The following PCDHGC3 variants were observed in gnomAD, a reference collection of about 807,000 sequenced individuals.
PCDHGC3 encodes the protein protocadherin gamma-C3.
Under a neutral mutation model 59.2 loss-of-function variants are expected in PCDHGC3, and 26 were observed. The observed-to-expected ratio is 0.44, with a 90% CI of 0.32 to 0.61. The LOEUF is 0.61. Among genes scored for constraint, PCDHGC3 ranks in the 20% least tolerant of loss-of-function variants. PCDHGC3 has a pLI of 0.05. For synonymous variants in PCDHGC3, 487 were observed against 519.7 expected (o/e 0.94, Z 0.86); for missense variants, 1,080 against 1,221.8 (o/e 0.88, Z 1.73).
Position 141,489,090 on chromosome 5 carries a change from C to CCAA in PCDHGC3, c.2431-5717_2431-5716insCAA, listed in dbSNP as rs2099682444. 1 of 328,824 alleles carries CCAA rather than the reference C, an allele frequency of 3.0e-6. No individual in the cohort carries two copies. Among genetic ancestry groups the CCAA allele is most frequent in the Admixed American group, 6.1e-5 (1 of 16,500 alleles). The allele number at this position is 328,824 out of a possible 1,614,324, so 20.4% of individuals were successfully genotyped here. ...CCTGCCCACCCCCGCCACTCGGTGA[C>CCAA]TAAGAACTGCTGCAAGCAGGCAAAC... On this transcript the variant is annotated intron_variant, in intron 1 of 3. Transcript: ENST00000308177. This position sits in a 1 kb window ranked among gnomAD's most constrained non-coding sequence, Gnocchi z 4.5.
rs566049956 is a variant in PCDHGC3 at position 141,511,685 on chromosome 5, G to A, written c.*512G>A. 1.0e-5 allele frequency: 2 copies of A among 198,374 alleles called. No individual in the cohort carries two copies. Among genetic ancestry groups the A allele is most frequent in the Non-Finnish European group, 2.1e-5 (2 of 94,428 alleles). The allele number at this position is 198,374 out of a possible 1,614,324, so 12.3% of individuals were successfully genotyped here. On this transcript the variant is annotated 3_prime_UTR_variant, in exon 4 of 4. Coordinates refer to ENST00000308177, the MANE Select transcript of PCDHGC3 (RefSeq NM_002588.4). ...GATTCTCAATCTTCCCCCAAAGCAT[G>A]GTTTGGTGCCAGCCCCTTCACCTCC...
In PCDHGC3 at chr5:141,485,079, A is replaced by C; in HGVS notation, c.2430+6533A>C. ...AACCGCGCCAGAGCTGGCGCGGGGA[A>C]AGGGAGATAGGTGTCTCCAGCTGCT... is the stretch of plus-strand genomic sequence containing the variant. On this transcript the variant is annotated intron_variant, in intron 1 of 3. Transcript: ENST00000308177. This position sits in a 1 kb window ranked among gnomAD's most constrained non-coding sequence, Gnocchi z 5.7. 1 of 949,456 alleles carries C rather than the reference A, an allele frequency of 1.1e-6. No individual in the cohort carries two copies. The highest frequency in any genetic ancestry group is 1.6e-6 in the Non-Finnish European group (1 of 614,758). 58.8% of individuals were successfully genotyped at this position (949,456 alleles called of 1,614,324 possible).
intron 1 of PCDHGC3, chr5:141,478,873 T>C: frequency 7.8e-7 from 1 of 1,274,424 alleles, no homozygotes; most frequent in African/African-American, 1.5e-5. Context: ...GATCAGAGTT[T>C]AGCTTGGTAT....
Position 141,478,437 on chromosome 5 carries a change from A to G in PCDHGC3, c.2321A>G (p.Lys774Arg), listed in dbSNP as rs2099455876. 1 of 1,613,758 alleles carries G rather than the reference A, an allele frequency of 6.2e-7. No homozygotes were observed. Among genetic ancestry groups the G allele is most frequent in the African/African-American group, 1.3e-5 (1 of 75,074 alleles). The part of the protein sequence containing the change: ...TDSRRSDPLL[K>R]KPGAASPLAS... ...TCCCGCCGCAGCGACCCGCTGCTGA[A>G]GAAACCTGGTGCAGCCAGTCCACTG... is the stretch of plus-strand genomic sequence containing the variant. Residue 774 changes from lysine to arginine, a missense_variant, in exon 1 of 4, where the codon AAG (lysine) becomes AGG (arginine). Coordinates refer to ENST00000308177, the MANE Select transcript of PCDHGC3 (RefSeq NM_002588.4).
Position 141,478,171 on chromosome 5 carries a change from G to A in PCDHGC3, c.2055G>A (p.Glu685=), listed in dbSNP as rs141465380. The change falls in exon 1 of 4, where the codon GAG becomes GAA. Residue 685 remains glutamate (E), a synonymous_variant. Transcript: ENST00000308177. ...TCCCCTCTGGCTCTGCCCCCCGGGA[G>A]CAGAAAAAAAATCTCACCTTTTATC... ...AEFPSGSAPR[E]QKKNLTFYLL... is the part of the protein sequence containing the mutation. 7.3e-5 allele frequency: 118 copies of A among 1,613,942 alleles called. No homozygotes were observed. The highest frequency in any genetic ancestry group is 1.5e-4 in the African/African-American group (11 of 75,056).
rs756464724 is a variant in PCDHGC3, at chr5:141,478,476, A to T, written c.2360A>T (p.Asn787Ile). The T allele has an allele frequency of 5.0e-6, 8 of 1,613,838 alleles. 1 individual carries two copies. The South Asian group carries it at 7.7e-5, about 16-fold the overall frequency. The stretch of plus-strand genomic sequence containing the variant: ...GCCAGTCCACTGGCCAGCCGCCAGA[A>T]CACGCTGCGGAGCTGTGATCCGGTG... The part of the protein sequence containing the change: ...GAASPLASRQ[N>I]TLRSCDPVFY... The change falls in exon 1 of 4, where the codon AAC becomes ATC. Residue 787 changes from asparagine (N) to isoleucine (I), a missense_variant. Transcript: ENST00000308177.
chr5:141,509,811 C>T (rs1321920000), intron 3 of PCDHGC3, among the ~76,000 whole-genome samples: 1 of 152,168 alleles, frequency 6.6e-6, no homozygotes, highest in African/African-American at 2.4e-5. Flanking sequence ...TAGAGCCGAG[C>T]TCTTCTCCAT....
At chr5:141,510,850 G>A in intron 3 of PCDHGC3, 97 bp from the exon 4 acceptor site, 4 of 1,599,444 alleles carry the variant, frequency 2.5e-6, no homozygotes, top group South Asian at 1.1e-5. Context: ...AAGGCCCAGG[G>A]TGCTGTATAG....
Position 141,480,177 on chromosome 5 carries a change from G to T in PCDHGC3, c.2430+1631G>T, listed in dbSNP as rs570721769. 4.6e-5 allele frequency among the ~76,000 whole-genome samples: 7 copies of T among 152,066 alleles called. No homozygotes were observed. In the South Asian group the frequency reaches 6.3e-4, roughly 14 times the overall value. ...CTAGCATTTTGGGAGGCTGAGGCAGGCGGATTGCTTGAGGCCAGCAGTTCA... is the reference window on the plus strand; with the variant it reads ...CTAGCATTTTGGGAGGCTGAGGCAGTCGGATTGCTTGAGGCCAGCAGTTCA... On this transcript the variant is annotated intron_variant, in intron 1 of 3. Coordinates refer to ENST00000308177, the MANE Select transcript of PCDHGC3 (RefSeq NM_002588.4).
chr5:141,498,976 G>A (rs1311505059), intron 2 of PCDHGC3, among the ~76,000 whole-genome samples: 1 of 13,010 alleles, frequency 7.7e-5, no homozygotes, highest in Non-Finnish European at 2.3e-4. Context: ...AGGGAGGGAA[G>A]GAAGGAAGGA....
Position 141,478,106 on chromosome 5 carries a change from G to T in PCDHGC3, c.1990G>T (p.Val664Leu). The T allele has an allele frequency of 6.2e-7, 1 of 1,614,046 alleles. No individual in the cohort carries two copies. The highest frequency in any genetic ancestry group is 8.5e-7 in the Non-Finnish European group (1 of 1,180,026). The change falls in exon 1 of 4, where the codon GTG becomes TTG. Residue 664 changes from valine (V) to leucine (L), a missense_variant. By Grantham distance (32) the Val-to-Leu change is conservative. Coordinates refer to ENST00000308177, the MANE Select transcript of PCDHGC3 (RefSeq NM_002588.4). ...PSLSTTATLT[V>L]SVTEDSPEAR... The stretch of plus-strand genomic sequence containing the variant: ...GCTCTCCACCACTGCTACCCTCACT[G>T]TGTCAGTAACCGAGGACTCTCCTGA...
rs1410460145 is a variant in PCDHGC3 at position 141,490,798 on chromosome 5, C to T, written c.2431-4009C>T. On this transcript the variant is annotated intron_variant, in intron 1 of 3. Coordinates refer to ENST00000308177, the MANE Select transcript of PCDHGC3 (RefSeq NM_002588.4). The surrounding 1 kb of genome is among the most constrained non-coding windows in gnomAD (Gnocchi z 5.4). The stretch of plus-strand genomic sequence containing the variant: ...AGAGGATGGACGGATCTTTGCCCAG[C>T]GTACCTTTGACTATGAATTGCTGCA... 9.3e-6 allele frequency: 15 copies of T among 1,613,808 alleles called. No individual in the cohort carries two copies. Among genetic ancestry groups the T allele is most frequent in the Admixed American group, 6.7e-5 (4 of 60,002 alleles).
rs1247067983 is a variant in PCDHGC3, at chr5:141,511,327, C to T, written c.*154C>T. ...CCCTTGGGAAACAGAAACAAGTGCC[C>T]AGTCAGCACCTACCCCTTCCCCCCC... On this transcript the variant is annotated 3_prime_UTR_variant, in exon 4 of 4. Transcript: ENST00000308177. 28 of 1,455,454 alleles carry T rather than the reference C, an allele frequency of 1.9e-5. No individual in the cohort carries two copies. Among genetic ancestry groups the T allele is most frequent in the Admixed American group, 2.4e-5 (1 of 41,734 alleles). 90.2% of individuals were successfully genotyped at this position (1,455,454 alleles called of 1,614,324 possible). A position where few individuals can be genotyped will look rare whatever the true frequency, so the allele number is the denominator to read the frequency against.
rs1453419469 is a variant in PCDHGC3, at chr5:141,505,501, G to A, written c.2578+20G>A. On this transcript the variant is annotated intron_variant, in intron 3 of 3. Transcript: ENST00000308177. ...CCAGTGGTAAGTGGTGTCAGTGTGT[G>A]TATGGAAGAGTGGGAGACCTGGGGT... The A allele has an allele frequency of 1.2e-6, 2 of 1,614,156 alleles. No homozygotes were observed. Among genetic ancestry groups the A allele is most frequent in the Non-Finnish European group, 1.7e-6 (2 of 1,179,970 alleles).
chr5:141,504,380 C>T (rs943816582), intron 2 of PCDHGC3, among the ~76,000 whole-genome samples: 1 of 152,088 alleles, frequency 6.6e-6, no homozygotes, highest in African/African-American at 2.4e-5. Flanking sequence ...GGTGGAGTCG[C>T]TGCCTCACAG....
chr5:141,489,459 C>T lies in PCDHGC3; in HGVS notation c.2431-5348C>T. The T allele has an allele frequency of 6.2e-7, 1 of 1,614,086 alleles. No homozygotes were observed. The highest frequency in any genetic ancestry group is 8.5e-7 in the Non-Finnish European group (1 of 1,180,012). On this transcript the variant is annotated intron_variant, in intron 1 of 3. Coordinates refer to ENST00000308177, the MANE Select transcript of PCDHGC3 (RefSeq NM_002588.4). The surrounding 1 kb of genome is among the most constrained non-coding windows in gnomAD (Gnocchi z 4.5). The stretch of plus-strand genomic sequence containing the variant: ...AATTGGGCTCTGAGGAGAATGGGCG[C>T]TATTTTTCCCTGAGCTTGATGAGTG...
rs2099405848 is a variant in PCDHGC3 at position 141,477,120 on chromosome 5, A to G, written c.1004A>G (p.His335Arg). 2 of 1,614,118 alleles carry G rather than the reference A, an allele frequency of 1.2e-6. No homozygotes were observed. Among genetic ancestry groups the G allele is most frequent in the African/African-American group, 2.7e-5 (2 of 74,942 alleles). The change falls in exon 1 of 4, where the codon CAT becomes CGT. Residue 335 changes from histidine (H) to arginine (R), a missense_variant. Transcript: ENST00000308177. This position sits in a 1 kb window ranked among gnomAD's most constrained non-coding sequence, Gnocchi z 4.9. ...AAGGGCGCCAATCCCGAAGGAGCAC[A>G]TTGCAAAGTGTTGGTGGAGGTTGTG... Reference protein sequence around the residue: ...KDKGANPEGAHCKVLVEVVDV... With the variant: ...KDKGANPEGARCKVLVEVVDV...
intron 1 of PCDHGC3, among the ~76,000 whole-genome samples, chr5:141,488,635 C>T (rs1476156734): frequency 6.6e-6 from 1 of 152,152 alleles, no homozygotes; most frequent in Non-Finnish European, 1.5e-5. Flanking sequence ...ACCTTAGCAG[C>T]ATTCAGCAGG....
At chr5:141,504,696 G>T (rs2099840373) in intron 2 of PCDHGC3, among the ~76,000 whole-genome samples, 1 of 151,438 alleles carries the variant, frequency 6.6e-6, no homozygotes, top group African/African-American at 2.4e-5. Flanking sequence ...GGAGGGGCAG[G>T]TTCTTCTATG....
Sources: gnomAD v4.1 joint callset for allele counts (sites outside exome capture counted in the v4.1 genomes callset) on GRCh38, gnomAD v4.1.1 for gene constraint, Gnocchi (gnomAD v3.1) non-coding constraint, MANE v1.5 for transcripts, NCBI Gene and HGNC (gene_info 2026-07-23, HGNC 2026-07-21) for gene names.